QTMAN: variants seen among roughly 807,000 people sequenced by gnomAD.
The protein encoded by QTMAN is tRNA-queuosine alpha-mannosyltransferase.
At chr2:144,126,441 T>C in the QTMAN span, among the ~76,000 whole-genome samples, 1 of 151,994 alleles carries the variant, frequency 6.6e-6, no homozygotes, top group Admixed American at 6.6e-5. Flanking sequence ...CTATGAGCTA[T>C]ATTTTACCAA....
At chr2:143,977,048 G>A in the QTMAN span, among the ~76,000 whole-genome samples, 1 of 152,220 alleles carries the variant, frequency 6.6e-6, no homozygotes. Context: ...TGTGAGGAAT[G>A]AAGAAATGTC....
the QTMAN span, among the ~76,000 whole-genome samples, chr2:144,309,848 C>G: frequency 6.6e-6 from 1 of 152,056 alleles, no homozygotes; most frequent in Non-Finnish European, 1.5e-5. Context: ...ACAAATCAAC[C>G]TAACTACAGG....
the QTMAN span, among the ~76,000 whole-genome samples, chr2:144,286,373 T>A: frequency 6.6e-6 from 1 of 152,222 alleles, no homozygotes; most frequent in African/African-American, 2.4e-5. Flanking sequence ...GTTAAAGAAT[T>A]TAGTGGTTAT....
At chr2:143,981,808 A>G in the QTMAN span, among the ~76,000 whole-genome samples, 1 of 152,230 alleles carries the variant, frequency 6.6e-6, no homozygotes, top group Non-Finnish European at 1.5e-5. Flanking sequence ...AGACCTGCTC[A>G]GAATGACATG....
the QTMAN span, among the ~76,000 whole-genome samples, chr2:144,075,445 C>T: frequency 6.6e-6 from 1 of 152,084 alleles, no homozygotes; most frequent in African/African-American, 2.4e-5. Flanking sequence ...AGTATTGGCT[C>T]CTTGGATGTG....
the QTMAN span, among the ~76,000 whole-genome samples, chr2:144,037,664 T>A: frequency 2.6e-5 from 4 of 152,208 alleles, no homozygotes; most frequent in Non-Finnish European, 5.9e-5. Flanking sequence ...AAGAAACATC[T>A]TTCAGATAAT....
chr2:144,064,529 T>C, the QTMAN span, among the ~76,000 whole-genome samples: 5 of 152,244 alleles, frequency 3.3e-5, no homozygotes, highest in Non-Finnish European at 7.3e-5. Context: ...TCTTCTCTTC[T>C]GGCTAGTTAT....
At chr2:143,947,026 G>A in the QTMAN span, 22 of 1,515,700 alleles carry the variant, frequency 1.5e-5, no homozygotes, top group African/African-American at 3.0e-4. Flanking sequence ...GCCTTAGGCT[G>A]CAAGTTTGTG....
At chr2:144,007,610 G>A in the QTMAN span, 3 of 885,962 alleles carry the variant, frequency 3.4e-6, no homozygotes, top group Non-Finnish European at 5.0e-6. Flanking sequence ...CTTCCTGTAA[G>A]TACATAATGA....
At chr2:144,142,099 T>C in the QTMAN span, 2 of 1,418,022 alleles carry the variant, frequency 1.4e-6, no homozygotes, top group Non-Finnish European at 2.0e-6. Context: ...CCCAGACTCA[T>C]TCAGAGTAAT....
the QTMAN span, among the ~76,000 whole-genome samples, chr2:144,048,021 T>C: frequency 6.6e-6 from 1 of 152,226 alleles, no homozygotes; most frequent in Admixed American, 6.5e-5. Flanking sequence ...AACCAGATGA[T>C]AGAATGCTAT....
the QTMAN span, chr2:143,942,699 T>C: frequency 4.2e-5 from 7 of 167,244 alleles, no homozygotes; most frequent in East Asian, 1.3e-3. Context: ...CAGGAACCTG[T>C]GGCCAGTTGA....
At chr2:144,128,371 T>C in the QTMAN span, 4 of 152,072 alleles carry the variant, frequency 2.6e-5, no homozygotes, top group African/African-American at 7.2e-5. Flanking sequence ...CTGAGTCATA[T>C]GCATTTTCAT....
chr2:144,043,121 C>T, the QTMAN span, among the ~76,000 whole-genome samples: 4 of 152,216 alleles, frequency 2.6e-5, no homozygotes, highest in East Asian at 7.7e-4. Context: ...CAATGGGAAA[C>T]ATCTGAACAC....
At chr2:144,118,853 C>T in the QTMAN span, among the ~76,000 whole-genome samples, 5 of 152,126 alleles carry the variant, frequency 3.3e-5, no homozygotes, top group East Asian at 9.6e-4. Flanking sequence ...TGCACTCCAG[C>T]CTGGGCGACA....
At chr2:144,257,974 G>A in the QTMAN span, among the ~76,000 whole-genome samples, 4 of 151,972 alleles carry the variant, frequency 2.6e-5, no homozygotes, top group East Asian at 7.7e-4. Flanking sequence ...AAATATCTAA[G>A]AAAAGATAAG....
At chr2:144,329,159 T>C in the QTMAN span, among the ~76,000 whole-genome samples, 2 of 151,910 alleles carry the variant, frequency 1.3e-5, no homozygotes, top group African/African-American at 4.8e-5. Context: ...AGGAAACCAC[T>C]TGAACCAGAG....
chr2:144,312,554 C>T, the QTMAN span, among the ~76,000 whole-genome samples: 4,082 of 152,272 alleles, frequency 0.027, 175 homozygotes, highest in African/African-American at 0.093. Context: ...TCTCGACTGA[C>T]GCCAGTCATT....
the QTMAN span, among the ~76,000 whole-genome samples, chr2:144,147,234 A>G: frequency 6.6e-6 from 1 of 151,590 alleles, no homozygotes; most frequent in Non-Finnish European, 1.5e-5. Flanking sequence ...ACATTGCTAT[A>G]TTAATGTTAT....
Sources: allele counts gnomAD v4.1 joint callset (sites outside exome capture counted in the v4.1 genomes callset), GRCh38; gene constraint gnomAD v4.1.1; transcripts MANE v1.5; gene names NCBI Gene and HGNC (gene_info 2026-07-23, HGNC 2026-07-21).